The following IGF1R variants were observed in gnomAD, a reference collection of about 807,000 sequenced individuals.
IGF1R encodes insulin like growth factor 1 receptor.
IGF1R carries 44 observed loss-of-function variants against 144.6 expected under a neutral mutation model. That is an observed-to-expected ratio of 0.30 (90% CI 0.24 to 0.39). IGF1R has a LOEUF of 0.39. Among genes scored for constraint, IGF1R ranks in the 10% least tolerant of loss-of-function variants. The probability of loss-of-function intolerance (pLI) is 1.00; values close to 1 mark genes in which losing one functional copy is unlikely to be tolerated. For synonymous variants in IGF1R, 795 were observed against 722.8 expected (o/e 1.10, Z -1.60); for missense variants, 1,355 against 1,833.7 (o/e 0.74, Z 4.77).
chr15:98,772,297 A>G (rs992572255), intron 2 of IGF1R, among the ~76,000 whole-genome samples: 1 of 151,994 alleles, frequency 6.6e-6, no homozygotes, highest in African/African-American at 2.4e-5. Flanking sequence ...TCTAGTCTGG[A>G]AAAGAGGAAT....
At chr15:98,729,203 C>A (rs1225730127) in intron 2 of IGF1R, among the ~76,000 whole-genome samples, 2 of 152,154 alleles carry the variant, frequency 1.3e-5, no homozygotes, top group Non-Finnish European at 2.9e-5. Flanking sequence ...AAGGTTAGAT[C>A]TTTGTTCTGA....
At chr15:98,806,353 T>C (rs1234490746) in intron 2 of IGF1R, among the ~76,000 whole-genome samples, 1 of 152,168 alleles carries the variant, frequency 6.6e-6, no homozygotes, top group Non-Finnish European at 1.5e-5. Flanking sequence ...CACGAAGTGC[T>C]GTGTGGTGTC....
In IGF1R at chr15:98,886,232, C is replaced by T. The variant is rs139518987; in HGVS notation, c.641-5093C>T. ...AACTCTAGAAATAATTTGATACATT[C>T]GAGGACTCTGGAGAGGGAGAGAGTT... On this transcript the variant is annotated intron_variant, in intron 2 of 20. Coordinates refer to ENST00000650285, the MANE Select transcript of IGF1R (RefSeq NM_000875.5). 2.4e-3 allele frequency among the ~76,000 whole-genome samples: 367 copies of T among 152,192 alleles called. 2 individuals are homozygous for T. Among genetic ancestry groups the T allele is most frequent in the African/African-American group, 8.5e-3 (355 of 41,528 alleles).
At chr15:98,835,826 C>G (rs775265182) in intron 2 of IGF1R, among the ~76,000 whole-genome samples, 2 of 152,196 alleles carry the variant, frequency 1.3e-5, no homozygotes, top group Non-Finnish European at 2.9e-5. Context: ...GCTGCATTTT[C>G]TTCAAAGCCA....
chr15:98,953,283 G>A (rs918971123), intron 20 of IGF1R, among the ~76,000 whole-genome samples: 7 of 152,180 alleles, frequency 4.6e-5, no homozygotes, highest in South Asian at 2.1e-4. Flanking sequence ...GAAGGACTCC[G>A]TGGTCCCCAA....
intron 2 of IGF1R, among the ~76,000 whole-genome samples, chr15:98,729,030 G>A (rs1567098133): frequency 6.6e-6 from 1 of 152,202 alleles, no homozygotes; most frequent in East Asian, 1.9e-4. Flanking sequence ...ATGGCACAAT[G>A]CCTCAATGAA....
At chr15:98,766,705 G>A (rs1467991175) in intron 2 of IGF1R, among the ~76,000 whole-genome samples, 4 of 152,150 alleles carry the variant, frequency 2.6e-5, no homozygotes, top group African/African-American at 7.2e-5. Flanking sequence ...AAGTTGATGC[G>A]GTAGTTGTGA....
chr15:98,660,194 C>G (rs1184968432), intron 1 of IGF1R: 1 of 152,198 alleles, frequency 6.6e-6, no homozygotes, highest in African/African-American at 2.4e-5. Context: ...TTGAACAGTT[C>G]AGGCTGTACT....
intron 2 of IGF1R, among the ~76,000 whole-genome samples, chr15:98,810,736 G>A (rs1433021977): frequency 6.6e-6 from 1 of 151,692 alleles, no homozygotes; most frequent in East Asian, 2.0e-4. Context: ...TTTTAGTAGA[G>A]ACGGGGTTTC....
chr15:98,690,446 C>G (rs78697340), intron 1 of IGF1R, among the ~76,000 whole-genome samples: 152 of 152,326 alleles, frequency 1.0e-3, no homozygotes, highest in Non-Finnish European at 1.5e-3. Context: ...CTTCTTCCCC[C>G]CTGCTTCCCA....
chr15:98,948,762 G>A, intron 20 of IGF1R, 54 bp downstream of exon 20: 1 of 1,589,680 alleles, frequency 6.3e-7, no homozygotes. Context: ...TCAAATACCT[G>A]TTTTCTTGGG....
At chr15:98,800,902 A>C (rs575914583) in intron 2 of IGF1R, among the ~76,000 whole-genome samples, 110 of 152,374 alleles carry the variant, frequency 7.2e-4, no homozygotes, top group African/African-American at 2.5e-3. Context: ...CATCTAGCCC[A>C]GGCTTCATTT....
chr15:98,868,360 T>G (rs1242103521), intron 2 of IGF1R, among the ~76,000 whole-genome samples: 5 of 68,388 alleles, frequency 7.3e-5, no homozygotes, highest in African/African-American at 2.1e-4. Flanking sequence ...ATCTGTTGGG[T>G]TTTTTTTTTT....
chr15:98,770,246 A>C (rs1013404904), intron 2 of IGF1R, among the ~76,000 whole-genome samples: 1 of 152,240 alleles, frequency 6.6e-6, no homozygotes, highest in Admixed American at 6.5e-5. Context: ...GGAAGGCAAA[A>C]ACAGATATTG....
chr15:98,805,572 G>C (rs1285265100), intron 2 of IGF1R, among the ~76,000 whole-genome samples: 1 of 152,146 alleles, frequency 6.6e-6, no homozygotes, highest in Non-Finnish European at 1.5e-5. Context: ...CAGCCCTTCT[G>C]AAATGCAGGC....
chr15:98,884,683 CAAAAA>C (rs35707888), intron 2 of IGF1R, among the ~76,000 whole-genome samples: 19 of 80,250 alleles, frequency 2.4e-4, no homozygotes, highest in East Asian at 7.6e-4. Context: ...CACTCCGTCT[CAAAAA>C]AAAAAAAAAA....
chr15:98,656,644 A>G lies in IGF1R; in HGVS notation c.94+6969A>G, dbSNP rs185900816. On this transcript the variant is annotated intron_variant, in intron 1 of 20. Transcript: ENST00000650285. ...TTTTTGCATATTTTAAAGACTTTAG[A>G]AAGTAGTCTTGCTAATCCAGAAAGT... Among the ~76,000 whole-genome samples, 121 of 152,286 alleles carry G rather than the reference A, an allele frequency of 7.9e-4. 2 individuals are homozygous for G. In the East Asian group the frequency reaches 0.023, roughly 28 times the overall value.
chr15:98,736,485 T>C (rs1301379742), intron 2 of IGF1R, among the ~76,000 whole-genome samples: 1 of 152,174 alleles, frequency 6.6e-6, no homozygotes, highest in East Asian at 1.9e-4. Context: ...ATGCTGTCTG[T>C]TTACAGGGTG....
At position 98,911,385 on chromosome 15, in the gene IGF1R, G is replaced by T; in HGVS notation, c.1533G>T (p.Arg511=). The change falls in exon 7 of 21, where the codon CGG becomes CGT. Residue 511 remains arginine (R), a synonymous_variant. Coordinates refer to ENST00000650285, the MANE Select transcript of IGF1R (RefSeq NM_000875.5). Reference sequence around the variant, plus strand: ...ATCGCATCATCATAACCTGGCACCGGTACCGGCCCCCTGACTACAGGGATC... The same window carrying T: ...ATCGCATCATCATAACCTGGCACCGTTACCGGCCCCCTGACTACAGGGATC... ...SKNRIIITWH[R]YRPPDYRDLI... is the part of the protein sequence containing the mutation. 1 of 1,614,164 alleles carries T rather than the reference G, an allele frequency of 6.2e-7. No individual in the cohort carries two copies. Among genetic ancestry groups the T allele is most frequent in the Non-Finnish European group, 8.5e-7 (1 of 1,180,026 alleles).
Sources: allele counts gnomAD v4.1 joint callset (sites outside exome capture counted in the v4.1 genomes callset), GRCh38; gene constraint gnomAD v4.1.1; transcripts MANE v1.5; gene names NCBI Gene and HGNC (gene_info 2026-07-23, HGNC 2026-07-21).